ARID5B: variants seen among roughly 807,000 people sequenced by gnomAD.
The protein encoded by ARID5B is AT-rich interactive domain-containing protein 5B.
In ARID5B, 13 loss-of-function variants were observed where a neutral mutation model predicts 97.2. The observed-to-expected ratio is 0.13, with a 90% confidence interval of 0.09 to 0.21. The LOEUF (loss-of-function observed/expected upper bound fraction) is 0.21. Ranked by LOEUF, ARID5B falls within the 10% of genes least tolerant of loss-of-function variation. ARID5B has a pLI of 1.00. For missense variants in ARID5B, 1,210 were observed against 1,465.3 expected (o/e 0.83, Z 2.84); for synonymous variants, 556 against 570.3 (o/e 0.97, Z 0.36).
intron 4 of ARID5B, among the ~76,000 whole-genome samples, chr10:62,017,910 G>A (rs937082918): frequency 1.3e-5 from 2 of 152,152 alleles, no homozygotes; most frequent in African/African-American, 4.8e-5. Context: ...AGAAAGTAAG[G>A]TTTGTGTGTA....
At chr10:61,961,799 G>C (rs1241265555) in intron 3 of ARID5B, among the ~76,000 whole-genome samples, 1 of 150,158 alleles carries the variant, frequency 6.7e-6, no homozygotes, top group African/African-American at 2.5e-5. Flanking sequence ...TCAAGCTGGA[G>C]TGCAATGGTG....
At chr10:61,920,295 A>G (rs1251044105) in intron 2 of ARID5B, among the ~76,000 whole-genome samples, 1 of 150,550 alleles carries the variant, frequency 6.6e-6, no homozygotes, top group African/African-American at 2.4e-5. Flanking sequence ...GTGCCAGCTG[A>G]CTTTTCTAAT....
At position 62,078,572 on chromosome 10, in the gene ARID5B, C is replaced by T. The variant is rs78267659; in HGVS notation, c.1200-7130C>T. ...TTGGGCTTTTTTCATTGAGAAGAGT[C>T]ATTGCTGCAGTTGTTGCTGGCTGGC... On this transcript the variant is annotated intron_variant, in intron 8 of 9. Coordinates refer to ENST00000279873, the MANE Select transcript of ARID5B (RefSeq NM_032199.3). Among the ~76,000 whole-genome samples, 887 of 152,304 alleles carry T rather than the reference C, an allele frequency of 5.8e-3. 7 individuals are homozygous for T. Among genetic ancestry groups the T allele is most frequent in the Non-Finnish European group, 9.7e-3 (663 of 68,028 alleles).
intron 2 of ARID5B, among the ~76,000 whole-genome samples, chr10:61,908,129 T>G (rs1843735723): frequency 6.6e-6 from 1 of 152,224 alleles, no homozygotes; most frequent in East Asian, 1.9e-4. Context: ...ATGAGTGAAA[T>G]AATATTAAAT....
At chr10:61,984,506 G>A (rs77614642) in intron 3 of ARID5B, among the ~76,000 whole-genome samples, 6,886 of 152,238 alleles carry the variant, frequency 0.045, 222 homozygotes, top group East Asian at 0.13. Flanking sequence ...GACATTGAAC[G>A]TGGTCTTCCT....
intron 2 of ARID5B, among the ~76,000 whole-genome samples, chr10:61,932,283 G>T (rs550501527): frequency 2.6e-5 from 4 of 152,120 alleles, no homozygotes; most frequent in Non-Finnish European, 4.4e-5. Flanking sequence ...TGAGTCTTCC[G>T]CAAGTTGTAA....
intron 4 of ARID5B, among the ~76,000 whole-genome samples, chr10:62,040,359 G>A (rs944052122): frequency 2.0e-5 from 3 of 151,822 alleles, no homozygotes; most frequent in East Asian, 3.9e-4. Flanking sequence ...ATATATGTGT[G>A]TAATGTGTAT....
chr10:61,921,329 C>G (rs1477967181), intron 2 of ARID5B, among the ~76,000 whole-genome samples: 1 of 152,196 alleles, frequency 6.6e-6, no homozygotes, highest in Non-Finnish European at 1.5e-5. Flanking sequence ...TCCTCCCCAG[C>G]TGTGGCCATC....
At position 62,071,830 on chromosome 10, in the gene ARID5B, T is replaced by A. The variant is rs186594821; in HGVS notation, c.1199+2033T>A. On this transcript the variant is annotated intron_variant, in intron 8 of 9. Transcript: ENST00000279873. ...TCCCTATTCTTGGGACCAGATTGGATATTCCATAAAGGTTTGCTTTCTCAC... is the reference window on the plus strand; with the variant it reads ...TCCCTATTCTTGGGACCAGATTGGAAATTCCATAAAGGTTTGCTTTCTCAC... Among the ~76,000 whole-genome samples, 331 of 152,302 alleles carry A rather than the reference T, an allele frequency of 2.2e-3. 2 individuals are homozygous for A. Among genetic ancestry groups the A allele is most frequent in the Non-Finnish European group, 3.5e-3 (235 of 68,026 alleles).
chr10:61,918,071 G>C (rs1221419348), intron 2 of ARID5B, among the ~76,000 whole-genome samples: 3 of 152,208 alleles, frequency 2.0e-5, no homozygotes, highest in African/African-American at 4.8e-5. Flanking sequence ...ATATGGTCTG[G>C]ATTTGGTAAG....
At chr10:61,962,025 A>G (rs557948293) in intron 3 of ARID5B, among the ~76,000 whole-genome samples, 2 of 152,360 alleles carry the variant, frequency 1.3e-5, no homozygotes, top group East Asian at 3.9e-4. Context: ...CTGGGATTAC[A>G]GGCGTGAGCC....
intron 8 of ARID5B, among the ~76,000 whole-genome samples, chr10:62,075,955 G>A (rs766237131): frequency 6.6e-6 from 1 of 152,146 alleles, no homozygotes; most frequent in African/African-American, 2.4e-5. Context: ...TTGGACATCT[G>A]CCATGTGCAG....
intron 3 of ARID5B, among the ~76,000 whole-genome samples, chr10:61,951,402 G>A (rs867758599): frequency 4.6e-5 from 7 of 152,126 alleles, no homozygotes; most frequent in South Asian, 2.1e-4. Context: ...ACTCTCTTCC[G>A]TTGGGCAGCC....
chr10:61,960,982 T>G (rs574294183), intron 3 of ARID5B, among the ~76,000 whole-genome samples: 30 of 152,256 alleles, frequency 2.0e-4, no homozygotes, highest in Non-Finnish European at 4.0e-4. Context: ...ATAGGGATAC[T>G]GTAGGATTTA....
rs375354880 is a variant in ARID5B, at chr10:62,051,032, G to T, written c.846+32G>T. The T allele has an allele frequency of 6.8e-4, 1,058 of 1,563,886 alleles. 1 individual carries two copies. Among genetic ancestry groups the T allele is most frequent in the Non-Finnish European group, 8.8e-4 (1,004 of 1,134,544 alleles). Reference sequence around the variant, plus strand: ...TCATTCACTCCACGGTATTCATTTCGTTGCATCTTTTTATTTTTGCTTTTT... The same window carrying T: ...TCATTCACTCCACGGTATTCATTTCTTTGCATCTTTTTATTTTTGCTTTTT... On this transcript the variant is annotated intron_variant, in intron 5 of 9. Coordinates refer to ENST00000279873, the MANE Select transcript of ARID5B (RefSeq NM_032199.3).
intron 2 of ARID5B, among the ~76,000 whole-genome samples, chr10:61,929,620 T>C (rs899058339): frequency 8.5e-5 from 13 of 152,354 alleles, no homozygotes; most frequent in Non-Finnish European, 1.5e-4. Flanking sequence ...GTGTGGTGGC[T>C]TTGCTCTGTG....
intron 6 of ARID5B, 36 bp downstream of exon 6, chr10:62,057,354 G>A: frequency 1.3e-6 from 2 of 1,578,334 alleles, no homozygotes; most frequent in Non-Finnish European, 1.7e-6. Flanking sequence ...AATTATCAGA[G>A]CTGCTCAGAT....
intron 2 of ARID5B, among the ~76,000 whole-genome samples, chr10:61,925,237 T>C (rs1229769577): frequency 6.6e-6 from 1 of 151,942 alleles, no homozygotes; most frequent in Non-Finnish European, 1.5e-5. Flanking sequence ...AAAAATCAGA[T>C]GTTAAAGTAA....
At chr10:61,941,589 G>A (rs1844411369) in intron 3 of ARID5B, among the ~76,000 whole-genome samples, 1 of 151,642 alleles carries the variant, frequency 6.6e-6, no homozygotes, top group South Asian at 2.1e-4. Context: ...GGCATAAAGA[G>A]ACTGAATAAC....
Sources: gnomAD v4.1 joint callset for allele counts (sites outside exome capture counted in the v4.1 genomes callset) on GRCh38, gnomAD v4.1.1 for gene constraint, MANE v1.5 for transcripts, NCBI Gene and HGNC (gene_info 2026-07-23, HGNC 2026-07-21) for gene names.